The following CADM1 variants were observed in gnomAD, a reference collection of about 807,000 sequenced individuals.
CADM1 encodes TSLC-1.
In CADM1, 15 loss-of-function variants were observed where a neutral mutation model predicts 53.1. The observed-to-expected ratio is 0.28, with a 90% CI of 0.19 to 0.44. The LOEUF is 0.44. Among genes scored for constraint, CADM1 ranks in the 20% least tolerant of loss-of-function variants. The probability of loss-of-function intolerance (pLI) is 1.00; values close to 1 mark genes in which losing one functional copy is unlikely to be tolerated. For missense variants in CADM1, 434 were observed against 611.3 expected (o/e 0.71, Z 3.06); for synonymous variants, 281 against 243.0 (o/e 1.16, Z -1.45).
chr11:115,281,224 C>T (rs12271601), intron 1 of CADM1, among the ~76,000 whole-genome samples: 1,806 of 152,292 alleles, frequency 0.012, 44 homozygotes, highest in African/African-American at 0.04. Context: ...TCAAGCTATT[C>T]TGAACAGACC....
At chr11:115,339,000 G>T (rs1215342849) in intron 1 of CADM1, among the ~76,000 whole-genome samples, 83 of 142,404 alleles carry the variant, frequency 5.8e-4, no homozygotes, top group African/African-American at 2.1e-3. Flanking sequence ...ACCCACTAAC[G>T]TGTCATCTAG....
intron 1 of CADM1, among the ~76,000 whole-genome samples, chr11:115,321,325 GAGTAAATATGCT>G (rs1944820110): frequency 6.6e-6 from 1 of 152,164 alleles, no homozygotes; most frequent in African/African-American, 2.4e-5. Flanking sequence ...ACATCCTATG[GAGTAAATATGCT>G]AGTGGTAAGT....
intron 1 of CADM1, among the ~76,000 whole-genome samples, chr11:115,480,269 G>C (rs1344881056): frequency 6.6e-6 from 1 of 152,116 alleles, no homozygotes; most frequent in Non-Finnish European, 1.5e-5. Context: ...AAATGGTGTA[G>C]AATTCCCAGT....
At position 115,389,764 on chromosome 11, in the gene CADM1, A is replaced by AT. The variant is rs1011279330; in HGVS notation, c.124+114506dup. ...GTTCCTAGGAGATGGTTCATGGATGATTTTTTTTCTCTTCTACTAATAATT... is the reference window on the plus strand; with the variant it reads ...GTTCCTAGGAGATGGTTCATGGATGATTTTTTTTTCTCTTCTACTAATAATT... On this transcript the variant is annotated intron_variant, in intron 1 of 11. Transcript: ENST00000331581. 1.2e-4 allele frequency among the ~76,000 whole-genome samples: 18 copies of AT among 151,874 alleles called. No homozygotes were observed. The South Asian group carries it at 1.7e-3, about 14-fold the overall frequency.
intron 1 of CADM1, chr11:115,445,813 C>G (rs1226563604): frequency 1.1e-5 from 5 of 449,828 alleles, no homozygotes; most frequent in Non-Finnish European, 2.2e-5. Context: ...CCACCGCACT[C>G]CAGCCTGGGT....
intron 1 of CADM1, among the ~76,000 whole-genome samples, chr11:115,340,658 A>ATATATATATATT (rs60532835): frequency 2.9e-4 from 10 of 34,936 alleles, no homozygotes; most frequent in East Asian, 2.2e-3. Context: ...ATATATATAT[A>ATATATATATATT]TTTTTTTTTT....
intron 1 of CADM1, among the ~76,000 whole-genome samples, chr11:115,275,817 C>T (rs937087983): frequency 3.3e-5 from 5 of 152,154 alleles, no homozygotes; most frequent in Admixed American, 6.5e-5. Flanking sequence ...TAAGGTTCCA[C>T]GTTTCCTGTT....
chr11:115,305,983 CA>C (rs1280801894), intron 1 of CADM1, among the ~76,000 whole-genome samples: 1 of 147,728 alleles, frequency 6.8e-6, no homozygotes, highest in Non-Finnish European at 1.5e-5. Context: ...AGAATTCCTA[CA>C]CATTTTCCTA....
rs1476908643 is a variant in CADM1, at chr11:115,184,402, CTTCT to C, written c.1166-5631_1166-5628del. 1.2e-4 allele frequency among the ~76,000 whole-genome samples: 18 copies of C among 152,246 alleles called. No individual in the cohort carries two copies. In the South Asian group the frequency reaches 3.3e-3, roughly 28 times the overall value. Reference sequence around the variant, plus strand: ...TATTTGCTAATCCTAATATGTTATTCTTCTTTAAGATTTGCTTTTCTCAGCACCA... The same window carrying C: ...TATTTGCTAATCCTAATATGTTATTCTTAAGATTTGCTTTTCTCAGCACCA... On this transcript the variant is annotated intron_variant, in intron 10 of 11. Coordinates refer to ENST00000331581, the MANE Select transcript of CADM1 (RefSeq NM_001301043.2).
intron 1 of CADM1, among the ~76,000 whole-genome samples, chr11:115,358,420 A>G (rs1945936124): frequency 6.6e-6 from 1 of 152,180 alleles, no homozygotes; most frequent in African/African-American, 2.4e-5. Context: ...AGAGAGAAGA[A>G]CAGAACTTGT....
chr11:115,214,448 G>A (rs1941089822), intron 7 of CADM1, 160 bp downstream of exon 7: 1 of 678,988 alleles, frequency 1.5e-6, no homozygotes, highest in East Asian at 2.7e-5. Context: ...TATCCCAGGT[G>A]GAGACACTAG....
chr11:115,206,758 C>CTTTTTTTTTTTTTTTGTTTTT (rs1940708440), intron 8 of CADM1, among the ~76,000 whole-genome samples: 1 of 38,206 alleles, frequency 2.6e-5, no homozygotes, highest in African/African-American at 9.7e-5. Context: ...CTGTGGACTT[C>CTTTTTTTTTTTTTTTGTTTTT]TTTTTTTTTT....
At chr11:115,452,782 T>C (rs1979326) in intron 1 of CADM1, among the ~76,000 whole-genome samples, 132,643 of 152,168 alleles carry the variant, frequency 0.87, 58,083 homozygotes, top group East Asian at 0.99. Context: ...TTTTTCCACC[T>C]TTTAAGAGAT....
chr11:115,322,599 T>A (rs952873798), intron 1 of CADM1, among the ~76,000 whole-genome samples: 6 of 152,182 alleles, frequency 3.9e-5, no homozygotes, highest in Non-Finnish European at 7.3e-5. Context: ...TGGCAACCAC[T>A]AATCTACTTT....
chr11:115,440,033 A>T (rs1948274439), intron 1 of CADM1, among the ~76,000 whole-genome samples: 1 of 152,222 alleles, frequency 6.6e-6, no homozygotes, highest in South Asian at 2.1e-4. Context: ...GGCAGGCTTG[A>T]TTTCAAATAT....
At chr11:115,208,373 C>T (rs1940796639) in intron 8 of CADM1, among the ~76,000 whole-genome samples, 2 of 152,288 alleles carry the variant, frequency 1.3e-5, no homozygotes, top group Admixed American at 1.3e-4. Context: ...GAGGCCTCCT[C>T]TTTCTTTGAA....
At chr11:115,238,879 C>T (rs1253987279) in intron 2 of CADM1, among the ~76,000 whole-genome samples, 1 of 151,450 alleles carries the variant, frequency 6.6e-6, no homozygotes, top group East Asian at 1.9e-4. Context: ...TATATATGCA[C>T]ACATATATAT....
At chr11:115,340,654 A>ATT (rs1370287141) in intron 1 of CADM1, among the ~76,000 whole-genome samples, 61 of 52,610 alleles carry the variant, frequency 1.2e-3, no homozygotes, top group African/African-American at 4.0e-3. Flanking sequence ...ATATATATAT[A>ATT]TATATTTTTT....
chr11:115,425,912 T>A (rs220864), intron 1 of CADM1, among the ~76,000 whole-genome samples: 1 of 152,094 alleles, frequency 6.6e-6, no homozygotes, highest in African/African-American at 2.4e-5. Context: ...CCTTCACCTG[T>A]GGGCTTCAAA....
Sources: gnomAD v4.1 joint callset for allele counts (sites outside exome capture counted in the v4.1 genomes callset) on GRCh38, gnomAD v4.1.1 for gene constraint, MANE v1.5 for transcripts, NCBI Gene and HGNC (gene_info 2026-07-23, HGNC 2026-07-21) for gene names.